Variants in XPR1 observed in about 807,000 individuals in gnomAD.
The protein encoded by XPR1 is solute carrier family 53 member 1.
Under a neutral mutation model 87.5 loss-of-function variants are expected in XPR1, and 28 were observed. The ratio of observed to expected loss-of-function variants is 0.32; its 90% CI spans 0.24 to 0.44. XPR1 has a LOEUF of 0.44. Ranked by LOEUF, XPR1 falls within the 20% of genes least tolerant of loss-of-function variation. The pLI, the probability that XPR1 is intolerant of heterozygous loss-of-function variation, is 1.00. For synonymous variants in XPR1, 300 were observed against 306.1 expected (o/e 0.98, Z 0.21); for missense variants, 559 against 862.3 (o/e 0.65, Z 4.41).
chr1:180,755,415 ATG>A (rs1316534800), intron 2 of XPR1, among the ~76,000 whole-genome samples: 1 of 152,214 alleles, frequency 6.6e-6, no homozygotes, highest in Non-Finnish European at 1.5e-5. Flanking sequence ...AGGATACTGT[ATG>A]TAGCTGAACC....
At position 180,884,104 on chromosome 1, in the gene XPR1, A is replaced by T. The variant is rs2102231246; in HGVS notation, c.*38A>T. The T allele has an allele frequency of 6.2e-7, 1 of 1,602,018 alleles. No individual in the cohort carries two copies. Among genetic ancestry groups the T allele is most frequent in the African/African-American group, 1.3e-5 (1 of 74,712 alleles). ...CTAGCTTAACATCTTTGGTTTTCCT[A>T]CTCTACAATCCTTTCCTCGACCAAC... On this transcript the variant is annotated 3_prime_UTR_variant, in exon 15 of 15. Coordinates refer to ENST00000367590, the MANE Select transcript of XPR1 (RefSeq NM_004736.4).
intron 1 of XPR1, among the ~76,000 whole-genome samples, chr1:180,634,432 A>G (rs1285451229): frequency 6.6e-6 from 1 of 152,156 alleles, no homozygotes; most frequent in African/African-American, 2.4e-5. Flanking sequence ...TTGTTTCTGA[A>G]GAGTTGGTGC....
At chr1:180,669,518 G>T (rs1479418792) in intron 1 of XPR1, among the ~76,000 whole-genome samples, 1 of 152,076 alleles carries the variant, frequency 6.6e-6, no homozygotes, top group Non-Finnish European at 1.5e-5. Context: ...GAGTAGCTGG[G>T]ATTTACAGGC....
At chr1:180,804,698 C>T (rs1224272593) in intron 4 of XPR1, among the ~76,000 whole-genome samples, 1 of 152,026 alleles carries the variant, frequency 6.6e-6, no homozygotes, top group Non-Finnish European at 1.5e-5. Context: ...TTATCATTTT[C>T]TTCTATAATT....
chr1:180,838,646 C>G (rs1305476196), intron 11 of XPR1, among the ~76,000 whole-genome samples: 1 of 152,084 alleles, frequency 6.6e-6, no homozygotes, highest in African/African-American at 2.4e-5. Flanking sequence ...AATTTTTCAT[C>G]TTAAGTTTAA....
chr1:180,703,418 C>G lies in XPR1; in HGVS notation c.121+21007C>G, dbSNP rs534562005. Among the ~76,000 whole-genome samples, 6 of 152,252 alleles carry G rather than the reference C, an allele frequency of 3.9e-5. No individual in the cohort carries two copies. In the South Asian group the frequency reaches 1.2e-3, roughly 32 times the overall value. On this transcript the variant is annotated intron_variant, in intron 2 of 14. Transcript: ENST00000367590. ...GGATAACGCATGCGGGTGCCAGCAT[C>G]AGTTGGGTGGGTATTTCCCAGTTCC...
chr1:180,863,676 T>C, intron 11 of XPR1, 32 bp from the exon 12 acceptor site: 1 of 1,513,716 alleles, frequency 6.6e-7, no homozygotes, highest in South Asian at 1.4e-5. Flanking sequence ...TGTAGTAATT[T>C]TCTCTTTTCT....
chr1:180,845,542 G>A (rs2176183), intron 11 of XPR1, among the ~76,000 whole-genome samples: 58,256 of 152,014 alleles, frequency 0.38, 11,404 homozygotes, highest in African/African-American at 0.42. Context: ...TTTCACAGAT[G>A]GTCTTGCTCT....
chr1:180,787,618 C>A, intron 2 of XPR1, 135 bp from the exon 3 acceptor site: 1 of 631,196 alleles, frequency 1.6e-6, no homozygotes. Flanking sequence ...ATATGGTTCA[C>A]AGTTCACTTT....
chr1:180,839,962 G>A (rs1457780419), intron 11 of XPR1, among the ~76,000 whole-genome samples: 2 of 151,774 alleles, frequency 1.3e-5, no homozygotes, highest in South Asian at 2.1e-4. Context: ...GGTGGCTCAC[G>A]CCTGTAATCC....
rs777229584 is a variant in XPR1 at position 180,632,240 on chromosome 1, C to T, written c.39C>T (p.Pro13=). Residue 13 remains proline, a synonymous_variant, in exon 1 of 15, where the codon CCC becomes CCT. Coordinates refer to ENST00000367590, the MANE Select transcript of XPR1 (RefSeq NM_004736.4). ...FAEHLSAHIT[P]EWRKQYIQYE... ...AGCACCTCTCCGCGCACATCACTCC[C>T]GAGTGGAGGAAGCAATACATCCAGT... 3 of 1,612,066 alleles carry T rather than the reference C, an allele frequency of 1.9e-6. No homozygotes were observed. Among genetic ancestry groups the T allele is most frequent in the Non-Finnish European group, 2.5e-6 (3 of 1,179,010 alleles).
rs112275972 is a variant in XPR1, at chr1:180,846,449, A to ATTT, written c.1501+9741_1501+9743dup. Among the ~76,000 whole-genome samples the ATTT allele has an allele frequency of 8.1e-4, 118 of 145,742 alleles. 1 individual carries two copies. The Middle Eastern group carries it at 0.021, about 26-fold the overall frequency. Reference sequence around the variant, plus strand: ...TGTTTTTGTTTTTGTTTATTTATTTATTTTTTTTTTGAGATGGAATCTGGC... The same window carrying ATTT: ...TGTTTTTGTTTTTGTTTATTTATTTATTTTTTTTTTTTTGAGATGGAATCTGGC... On this transcript the variant is annotated intron_variant, in intron 11 of 14. Coordinates refer to ENST00000367590, the MANE Select transcript of XPR1 (RefSeq NM_004736.4).
chr1:180,698,783 G>A (rs760024465), intron 2 of XPR1, among the ~76,000 whole-genome samples: 1 of 152,140 alleles, frequency 6.6e-6, no homozygotes. Flanking sequence ...GTTGGGCATA[G>A]TATTCTTGGC....
intron 2 of XPR1, among the ~76,000 whole-genome samples, chr1:180,761,235 A>G (rs1483773828): frequency 2.6e-5 from 4 of 152,216 alleles, no homozygotes; most frequent in Non-Finnish European, 5.9e-5. Flanking sequence ...CTAAAACACC[A>G]AAAGCAATGG....
At chr1:180,817,779 T>C (rs1041824277) in intron 7 of XPR1, among the ~76,000 whole-genome samples, 3 of 152,130 alleles carry the variant, frequency 2.0e-5, no homozygotes, top group Non-Finnish European at 4.4e-5. Context: ...AGTTTACCCT[T>C]GGGGAATGGA....
At position 180,787,871 on chromosome 1, in the gene XPR1, C is replaced by T; in HGVS notation, c.223+17C>T. 2.2e-6 allele frequency: 3 copies of T among 1,353,168 alleles called. No homozygotes were observed. Among genetic ancestry groups the T allele is most frequent in the Admixed American group, 4.2e-5 (2 of 47,066 alleles). 83.8% of individuals were successfully genotyped at this position (1,353,168 alleles called of 1,614,324 possible). A position where few individuals can be genotyped will look rare whatever the true frequency, so the allele number is the denominator to read the frequency against. The stretch of plus-strand genomic sequence containing the variant: ...TTTATTCAGGTGAGTAATTAAGAGA[C>T]TTTTTTTTTTGCTGCCGGGGAAGGA... On this transcript the variant is annotated intron_variant, in intron 3 of 14. Transcript: ENST00000367590.
At chr1:180,651,870 T>C (rs1214953583) in intron 1 of XPR1, among the ~76,000 whole-genome samples, 2 of 152,210 alleles carry the variant, frequency 1.3e-5, no homozygotes, top group Non-Finnish European at 2.9e-5. Context: ...AATAATTCAA[T>C]AAAAATAACA....
At chr1:180,835,903 C>A (rs1017772423) in intron 10 of XPR1, among the ~76,000 whole-genome samples, 9 of 151,970 alleles carry the variant, frequency 5.9e-5, no homozygotes, top group African/African-American at 2.2e-4. Context: ...GTTTTTTCCT[C>A]CTTCTATTAG....
At chr1:180,647,195 T>A (rs1655148123) in intron 1 of XPR1, among the ~76,000 whole-genome samples, 1 of 152,226 alleles carries the variant, frequency 6.6e-6, no homozygotes, top group Non-Finnish European at 1.5e-5. Context: ...GAGGCAGAGC[T>A]CTGGCCATAA....
Sources: gnomAD v4.1 joint callset for allele counts (sites outside exome capture counted in the v4.1 genomes callset) on GRCh38, gnomAD v4.1.1 for gene constraint, MANE v1.5 for transcripts, NCBI Gene and HGNC (gene_info 2026-07-23, HGNC 2026-07-21) for gene names.